The following SGCE variants were observed in gnomAD, a reference collection of about 807,000 sequenced individuals.
The protein encoded by SGCE is sarcoglycan epsilon.
In SGCE, 26 loss-of-function variants were observed where a neutral mutation model predicts 57.8. That is an observed-to-expected ratio of 0.45 (90% CI 0.33 to 0.62). The LOEUF (loss-of-function observed/expected upper bound fraction) is 0.62, where lower values mean the gene tolerates loss of function less well. Among genes scored for constraint, SGCE ranks in the 20% least tolerant of loss-of-function variants. The probability of loss-of-function intolerance (pLI) is 0.02; values close to 1 mark genes in which losing one functional copy is unlikely to be tolerated. For synonymous variants in SGCE, 183 were observed against 189.5 expected (o/e 0.97, Z 0.28); for missense variants, 468 against 548.6 (o/e 0.85, Z 1.47).
intron 9 of SGCE, among the ~76,000 whole-genome samples, chr7:94,592,606 T>C (rs1219445116): frequency 1.3e-5 from 2 of 152,162 alleles, no homozygotes; most frequent in African/African-American, 4.8e-5. Context: ...AATTAGTCAT[T>C]GCACAAACTT....
At chr7:94,589,391 C>G (rs1228574973) in intron 9 of SGCE, 1 of 155,598 alleles carries the variant, frequency 6.4e-6, no homozygotes, top group Non-Finnish European at 1.4e-5. Flanking sequence ...ATCATCATTT[C>G]TCACTTGGAT....
intron 4 of SGCE, among the ~76,000 whole-genome samples, chr7:94,623,095 A>G (rs1767550982): frequency 6.6e-6 from 1 of 152,156 alleles, no homozygotes; most frequent in Non-Finnish European, 1.5e-5. Context: ...GCTTAGAGAA[A>G]TAAGAGGACT....
At chr7:94,613,359 T>G (rs1412929697) in intron 5 of SGCE, among the ~76,000 whole-genome samples, 1 of 152,206 alleles carries the variant, frequency 6.6e-6, no homozygotes, top group African/African-American at 2.4e-5. Context: ...TGTCAAAATT[T>G]AAAATTTGTA....
intron 10 of SGCE, chr7:94,588,436 G>A: frequency 7.8e-7 from 1 of 1,288,936 alleles, no homozygotes; most frequent in Non-Finnish European, 9.9e-7. Context: ...GTTTCATTCA[G>A]TCTTCCTTAA....
chr7:94,639,517 A>T lies in SGCE; in HGVS notation c.110-9676T>A, dbSNP rs1368738635. On this transcript the variant is annotated intron_variant, in intron 1 of 10. Transcript: ENST00000648936. ...CATGATTTTTTAAAATGACTGTCAC[A>T]GATCACCTACAATTAACTGGGATCA... The T allele has an allele frequency of 3.3e-6, 3 of 902,396 alleles. No individual in the cohort carries two copies. The African/African-American group carries it at 4.9e-5, about 15-fold the overall frequency. 55.9% of individuals were successfully genotyped at this position (902,396 alleles called of 1,614,324 possible).
chr7:94,613,642 C>A (rs1016377803), intron 5 of SGCE, among the ~76,000 whole-genome samples: 2 of 152,022 alleles, frequency 1.3e-5, no homozygotes, highest in African/African-American at 4.8e-5. Context: ...TGTGAAGAAA[C>A]AAGTAATGGT....
At position 94,585,410 on chromosome 7, in the gene SGCE, G is replaced by T. The variant is rs1204670573; in HGVS notation, c.*89C>A. ...AACATGCATAACATATGCCAGAAAA[G>T]CTCATGCATTATTGGAAGAGAAAAG... On this transcript the variant is annotated 3_prime_UTR_variant, in exon 11 of 11. Coordinates refer to ENST00000648936, the MANE Select transcript of SGCE (RefSeq NM_003919.3). 5 of 1,142,960 alleles carry T rather than the reference G, an allele frequency of 4.4e-6. No individual in the cohort carries two copies. In the Admixed American group the frequency reaches 6.7e-5, roughly 15 times the overall value. 70.8% of individuals were successfully genotyped at this position (1,142,960 alleles called of 1,614,324 possible).
chr7:94,630,641 T>C (rs577837900), intron 1 of SGCE, among the ~76,000 whole-genome samples: 11 of 152,068 alleles, frequency 7.2e-5, no homozygotes, highest in South Asian at 6.2e-4. Flanking sequence ...TTTCCACTTA[T>C]TGTTTTTGCT....
At chr7:94,590,417 G>C (rs1190390265) in intron 9 of SGCE, 8 of 152,030 alleles carry the variant, frequency 5.3e-5, no homozygotes, top group Non-Finnish European at 1.2e-4. Flanking sequence ...TTGCCCCAAA[G>C]TATATTAAGA....
At chr7:94,643,532 A>G (rs1241720781) in intron 1 of SGCE, among the ~76,000 whole-genome samples, 1 of 152,208 alleles carries the variant, frequency 6.6e-6, no homozygotes, top group African/African-American at 2.4e-5. Context: ...ACCACAGAAG[A>G]CTGAAGTCCA....
At chr7:94,587,495 A>G in intron 10 of SGCE, 1 of 1,293,090 alleles carries the variant, frequency 7.7e-7, no homozygotes, top group Non-Finnish European at 9.7e-7. Context: ...CTATCGTAGA[A>G]GTATTCTTTT....
At chr7:94,608,342 TTAAATA>T (rs1419116070) in intron 5 of SGCE, among the ~76,000 whole-genome samples, 1 of 152,000 alleles carries the variant, frequency 6.6e-6, no homozygotes, top group Admixed American at 6.6e-5. Flanking sequence ...AATAAAATAC[TTAAATA>T]TAAATATAAG....
intron 9 of SGCE, chr7:94,594,554 A>T (rs1187162812): frequency 6.6e-6 from 1 of 152,102 alleles, no homozygotes; most frequent in Non-Finnish European, 1.5e-5. Flanking sequence ...ATCCTAGAAC[A>T]GAAAAAGGAC....
chr7:94,603,940 T>A (rs1799657046), intron 5 of SGCE, among the ~76,000 whole-genome samples: 1 of 152,144 alleles, frequency 6.6e-6, no homozygotes. Flanking sequence ...GGGTAGACAT[T>A]ACTATTTTAC....
In SGCE at chr7:94,623,416, C is replaced by G; in HGVS notation, c.391-19G>C. 4.0e-6 allele frequency: 6 copies of G among 1,497,026 alleles called. No homozygotes were observed. Among genetic ancestry groups the G allele is most frequent in the Non-Finnish European group, 5.6e-6 (6 of 1,077,442 alleles). The allele number at this position is 1,497,026 out of a possible 1,614,324, so 92.7% of individuals were successfully genotyped here. On this transcript the variant is annotated intron_variant, in intron 3 of 10. Transcript: ENST00000648936. ...CAGTTATCTATTATAAAAGGAAAACCATATTAAAGAAGTGAAATGTTCTTT... is the reference window on the plus strand; with the variant it reads ...CAGTTATCTATTATAAAAGGAAAACGATATTAAAGAAGTGAAATGTTCTTT...
chr7:94,634,383 T>C (rs1470327723), intron 1 of SGCE, among the ~76,000 whole-genome samples: 1 of 152,172 alleles, frequency 6.6e-6, no homozygotes, highest in East Asian at 1.9e-4. Context: ...TATGGACTGT[T>C]TGGTTGCCTT....
chr7:94,586,061 GAAAAAAAAAAAAA>G (rs780812386), intron 10 of SGCE, among the ~76,000 whole-genome samples: 4 of 28,908 alleles, frequency 1.4e-4, no homozygotes, highest in African/African-American at 4.5e-4. Flanking sequence ...GGAACTAAAT[GAAAAAAAAAAAAA>G]AAAAAAAAAA....
chr7:94,620,927 A>G (rs932544517), intron 4 of SGCE: 1 of 152,228 alleles, frequency 6.6e-6, no homozygotes, highest in African/African-American at 2.4e-5. Context: ...TGCCTGCTAT[A>G]TTTGGAAATC....
At chr7:94,653,317 C>T (rs376946499) in intron 1 of SGCE, among the ~76,000 whole-genome samples, 8 of 152,006 alleles carry the variant, frequency 5.3e-5, no homozygotes, top group African/African-American at 1.4e-4. Flanking sequence ...TCAACAGCTT[C>T]GTAGATCTAC....
Sources: gnomAD v4.1 joint callset for allele counts (sites outside exome capture counted in the v4.1 genomes callset) on GRCh38, gnomAD v4.1.1 for gene constraint, MANE v1.5 for transcripts, NCBI Gene and HGNC (gene_info 2026-07-23, HGNC 2026-07-21) for gene names.